Variants in DGKH observed in about 807,000 individuals in gnomAD.
The protein encoded by DGKH is DAG kinase eta.
A neutral mutation model predicts 159.3 loss-of-function variants in DGKH; 90 were observed. The observed-to-expected ratio is 0.57, with a 90% CI of 0.48 to 0.67. DGKH has a LOEUF of 0.67. Among genes scored for constraint, DGKH ranks in the 30% least tolerant of loss-of-function variants. DGKH has a pLI of 0.00. For missense variants in DGKH, 1,181 were observed against 1,506.1 expected (o/e 0.78, Z 3.57); for synonymous variants, 536 against 553.8 (o/e 0.97, Z 0.45).
rs145175812 is a variant in DGKH at position 42,075,413 on chromosome 13, T to C, written c.192+26448T>C. 2.8e-3 allele frequency among the ~76,000 whole-genome samples: 428 copies of C among 152,318 alleles called. 9 individuals carry two copies. The highest frequency in any genetic ancestry group is 7.9e-4 in the Non-Finnish European group (54 of 68,028). On this transcript the variant is annotated intron_variant, in intron 1 of 29. Transcript: ENST00000337343. ...TGTCTCTTGGGACCCAGGACATCAA[T>C]GAATATGAGATCTAAGTGTAAAAGT...
intron 20 of DGKH, among the ~76,000 whole-genome samples, chr13:42,202,330 G>GC (rs1957367972): frequency 6.6e-6 from 1 of 152,122 alleles, no homozygotes; most frequent in African/African-American, 2.4e-5. Flanking sequence ...TCGGGATAAA[G>GC]GTGGAAAAGA....
intron 21 of DGKH, among the ~76,000 whole-genome samples, chr13:42,207,031 T>TTCTTTC (rs1566191828): frequency 7.8e-6 from 1 of 127,774 alleles, no homozygotes; most frequent in East Asian, 2.3e-4. Flanking sequence ...TTCTTTTTCT[T>TTCTTTC]TCTTTCTTTC....
intron 26 of DGKH, among the ~76,000 whole-genome samples, chr13:42,218,553 G>A (rs1957872691): frequency 6.9e-6 from 1 of 145,044 alleles, no homozygotes; most frequent in African/African-American, 2.6e-5. Flanking sequence ...CTGGCACCCA[G>A]GCTGGAGTGC....
At chr13:42,152,946 T>C (rs1955951046) in intron 3 of DGKH, among the ~76,000 whole-genome samples, 1 of 152,084 alleles carries the variant, frequency 6.6e-6, no homozygotes, top group African/African-American at 2.4e-5. Flanking sequence ...TCTGGGGGTG[T>C]GTTACAATTA....
chr13:42,124,855 G>A (rs899437143), intron 1 of DGKH, among the ~76,000 whole-genome samples: 3 of 152,202 alleles, frequency 2.0e-5, no homozygotes, highest in African/African-American at 7.2e-5. Flanking sequence ...CACTCCAGGA[G>A]CACTTTTAGC....
chr13:42,100,861 T>A (rs541330275), intron 1 of DGKH, among the ~76,000 whole-genome samples: 5 of 152,196 alleles, frequency 3.3e-5, no homozygotes, highest in Non-Finnish European at 7.3e-5. Flanking sequence ...ACTAAATCTT[T>A]TAATTAAATG....
At position 42,238,331 on chromosome 13, in the gene DGKH, T is replaced by A. The variant is rs1958458007; in HGVS notation, c.*9143T>A. On this transcript the variant is annotated 3_prime_UTR_variant, in exon 30 of 30. Coordinates refer to ENST00000337343, the MANE Select transcript of DGKH (RefSeq NM_178009.5). ...AAAATTAGTAGCATTTGTACCAGAG[T>A]AGATTATGGGTATTTTCATCTGTTA... is the stretch of plus-strand genomic sequence containing the variant. The A allele has an allele frequency of 6.6e-6, 1 of 152,156 alleles. No homozygotes were observed. Among genetic ancestry groups the A allele is most frequent in the Non-Finnish European group, 1.5e-5 (1 of 68,016 alleles). 9.4% of individuals were successfully genotyped at this position (152,156 alleles called of 1,614,324 possible). A position where few individuals can be genotyped will look rare whatever the true frequency, so the allele number is the denominator to read the frequency against.
At chr13:42,203,102 AT>A (rs1400719783) in intron 20 of DGKH, among the ~76,000 whole-genome samples, 1 of 152,192 alleles carries the variant, frequency 6.6e-6, no homozygotes, top group East Asian at 1.9e-4. Flanking sequence ...AAAAAACAAA[AT>A]AAATTTAGTT....
upstream of DGKH, among the ~76,000 whole-genome samples, chr13:42,047,214 GAATTT>G (rs1880847557): frequency 6.6e-6 from 1 of 152,114 alleles, no homozygotes; most frequent in Non-Finnish European, 1.5e-5. Context: ...ACATTTTAAT[GAATTT>G]AATTTACAGT....
intron 1 of DGKH, among the ~76,000 whole-genome samples, chr13:42,057,129 G>T (rs867071881): frequency 1.3e-5 from 2 of 151,828 alleles, no homozygotes; most frequent in East Asian, 1.9e-4. Context: ...ATGCTTCTAG[G>T]TACCTAACTC....
rs1370654828 is a variant in DGKH at position 42,204,362 on chromosome 13, C to T, written c.2494-1677C>T. 2.6e-5 allele frequency among the ~76,000 whole-genome samples: 4 copies of T among 152,154 alleles called. No homozygotes were observed. In the East Asian group the frequency reaches 7.7e-4, roughly 29 times the overall value. ...TATGTGCCAGACAAACCCCCAGGTG[C>T]ATGGACCTTTGAATGTGAAAAGCTA... On this transcript the variant is annotated intron_variant, in intron 20 of 29. Coordinates refer to ENST00000337343, the MANE Select transcript of DGKH (RefSeq NM_178009.5).
intron 1 of DGKH, among the ~76,000 whole-genome samples, chr13:42,118,295 T>C (rs1311840535): frequency 6.6e-6 from 1 of 152,222 alleles, no homozygotes; most frequent in East Asian, 1.9e-4. Flanking sequence ...CCCAGCGCTT[T>C]CCCGTTTTCT....
At chr13:42,173,487 C>T (rs772403688) in intron 11 of DGKH, among the ~76,000 whole-genome samples, 37 of 152,124 alleles carry the variant, frequency 2.4e-4, no homozygotes, top group Admixed American at 1.6e-3. Flanking sequence ...CCCCTACTCT[C>T]ATGCTTACAT....
chr13:42,094,623 G>A (rs1365874763), intron 1 of DGKH, among the ~76,000 whole-genome samples: 3 of 152,266 alleles, frequency 2.0e-5, no homozygotes, highest in Non-Finnish European at 4.4e-5. Context: ...GTTGGATGGA[G>A]TTAAGAGCCA....
chr13:42,116,188 A>T (rs1037939862), intron 1 of DGKH, among the ~76,000 whole-genome samples: 1 of 152,232 alleles, frequency 6.6e-6, no homozygotes, highest in African/African-American at 2.4e-5. Context: ...AGATAGATTC[A>T]TGATGTTACA....
At chr13:42,080,252 A>C (rs539366444) in intron 1 of DGKH, among the ~76,000 whole-genome samples, 36 of 152,326 alleles carry the variant, frequency 2.4e-4, no homozygotes, top group Non-Finnish European at 4.1e-4. Flanking sequence ...TTGTTAGATC[A>C]AATGTAAGAG....
chr13:42,079,552 G>A (rs891764659), intron 1 of DGKH, among the ~76,000 whole-genome samples: 1 of 152,096 alleles, frequency 6.6e-6, no homozygotes, highest in South Asian at 2.1e-4. Flanking sequence ...GTAAAAAAAT[G>A]ATTTCAGTTG....
intron 1 of DGKH, among the ~76,000 whole-genome samples, chr13:42,059,149 G>C (rs1881963253): frequency 6.6e-6 from 1 of 151,848 alleles, no homozygotes; most frequent in Non-Finnish European, 1.5e-5. Context: ...TTAAAAAATT[G>C]GTATTAAAAT....
At chr13:42,217,091 A>C (rs1442058281) in intron 26 of DGKH, among the ~76,000 whole-genome samples, 1 of 152,212 alleles carries the variant, frequency 6.6e-6, no homozygotes, top group Admixed American at 6.5e-5. Context: ...AAAACTTTTG[A>C]CAATAGTGAT....
Sources: gnomAD v4.1 joint callset for allele counts (sites outside exome capture counted in the v4.1 genomes callset) on GRCh38, gnomAD v4.1.1 for gene constraint, MANE v1.5 for transcripts, NCBI Gene and HGNC (gene_info 2026-07-23, HGNC 2026-07-21) for gene names.